Variants in MYRIP observed in about 807,000 individuals in gnomAD.
MYRIP encodes the protein myosin VIIA and Rab interacting protein, also known as rab effector MyRIP.
MYRIP carries 49 observed loss-of-function variants against 98.0 expected under a neutral mutation model. The ratio of observed to expected loss-of-function variants is 0.50; its 90% CI spans 0.40 to 0.63. MYRIP has a LOEUF of 0.63. Ranked by LOEUF, MYRIP falls within the 30% of genes least tolerant of loss-of-function variation. The probability of loss-of-function intolerance (pLI) is 0.00; values close to 1 mark genes in which losing one functional copy is unlikely to be tolerated. For missense variants in MYRIP, 1,004 were observed against 1,058.2 expected (o/e 0.95, Z 0.71); for synonymous variants, 404 against 409.5 (o/e 0.99, Z 0.16).
intron 11 of MYRIP, among the ~76,000 whole-genome samples, chr3:40,227,658 G>A (rs1026587239): frequency 1.5e-4 from 23 of 152,264 alleles, no homozygotes; most frequent in African/African-American, 5.3e-4. Flanking sequence ...TTTGAAATAC[G>A]AAATAGTTAA....
chr3:40,234,084 G>A, intron 12 of MYRIP, 31 bp downstream of exon 12: 1 of 1,553,700 alleles, frequency 6.4e-7, no homozygotes, highest in South Asian at 1.2e-5. Flanking sequence ...CCTGTCTAGG[G>A]TGAATGTATG....
intron 11 of MYRIP, among the ~76,000 whole-genome samples, chr3:40,217,367 T>C (rs902701634): frequency 7.2e-5 from 11 of 152,180 alleles, no homozygotes; most frequent in African/African-American, 2.4e-4. Flanking sequence ...TGAATTAAAG[T>C]AATAATTTAT....
chr3:39,868,269 C>G (rs1373199674), intron 1 of MYRIP, among the ~76,000 whole-genome samples: 3 of 152,086 alleles, frequency 2.0e-5, no homozygotes, highest in African/African-American at 7.2e-5. Flanking sequence ...GTGCTAGGAG[C>G]CTTCTTGGAT....
chr3:39,985,882 C>G (rs546443536), intron 2 of MYRIP, among the ~76,000 whole-genome samples: 164 of 151,478 alleles, frequency 1.1e-3, no homozygotes, highest in African/African-American at 4.0e-3. Flanking sequence ...CATTACCATT[C>G]AGGACATAGG....
chr3:40,034,813 G>T (rs1346166307), intron 2 of MYRIP, among the ~76,000 whole-genome samples: 1 of 151,818 alleles, frequency 6.6e-6, no homozygotes. Context: ...GCAAAGACTT[G>T]GAACCAACCC....
chr3:40,120,413 C>G (rs1287661949), intron 3 of MYRIP, among the ~76,000 whole-genome samples: 1 of 152,078 alleles, frequency 6.6e-6, no homozygotes. Context: ...GGAAATTGTA[C>G]ATAATTTTGA....
chr3:40,008,140 T>C (rs1312050063), intron 2 of MYRIP, among the ~76,000 whole-genome samples: 2 of 152,246 alleles, frequency 1.3e-5, no homozygotes, highest in Non-Finnish European at 2.9e-5. Flanking sequence ...TCATGCTTCA[T>C]AGCACTTGAC....
At chr3:39,835,501 CTG>C (rs1269922770) in intron 1 of MYRIP, among the ~76,000 whole-genome samples, 1 of 151,956 alleles carries the variant, frequency 6.6e-6, no homozygotes, top group Non-Finnish European at 1.5e-5. Context: ...AAATTAAAAT[CTG>C]TTTTGAATAA....
rs1491411474 is a variant in MYRIP, at chr3:40,084,771, AAT to A, written c.332+40507_332+40508del. On this transcript the variant is annotated intron_variant, in intron 3 of 16. Coordinates refer to ENST00000302541, the MANE Select transcript of MYRIP (RefSeq NM_015460.4). ...ATCTATGTGTTACATGTCGATAGAT[AAT>A]ATATATGTGTTACATGTCGATAGAT... Among the ~76,000 whole-genome samples, 7 of 48,468 alleles carry A rather than the reference AAT, an allele frequency of 1.4e-4. 2 individuals carry two copies. Among genetic ancestry groups the A allele is most frequent in the African/African-American group, 3.9e-4 (7 of 17,998 alleles). 31.8% of individuals were successfully genotyped at this position (48,468 alleles called of 152,430 possible).
chr3:40,245,670 A>AG (rs1953173472), intron 13 of MYRIP, among the ~76,000 whole-genome samples: 1 of 138,178 alleles, frequency 7.2e-6, no homozygotes, highest in Non-Finnish European at 1.6e-5. Context: ...AAAAAAAAAA[A>AG]GGGCTCCATG....
chr3:39,975,778 G>T (rs1945734274), intron 2 of MYRIP, among the ~76,000 whole-genome samples: 1 of 152,174 alleles, frequency 6.6e-6, no homozygotes, highest in Admixed American at 6.5e-5. Flanking sequence ...TGACAAACCT[G>T]AGAAAAACAA....
intron 2 of MYRIP, among the ~76,000 whole-genome samples, chr3:39,990,998 G>A (rs935326134): frequency 9.2e-5 from 14 of 152,098 alleles, no homozygotes; most frequent in South Asian, 2.1e-4. Flanking sequence ...GGGGCCTGTC[G>A]GGGAGTGTGG....
At chr3:40,148,973 T>C (rs1388109133) in intron 3 of MYRIP, among the ~76,000 whole-genome samples, 2 of 152,184 alleles carry the variant, frequency 1.3e-5, no homozygotes, top group African/African-American at 2.4e-5. Flanking sequence ...AGGCAGGCAA[T>C]TGACAGGCTT....
intron 1 of MYRIP, among the ~76,000 whole-genome samples, chr3:39,816,933 C>T (rs1240877245): frequency 6.6e-6 from 1 of 152,198 alleles, no homozygotes; most frequent in Non-Finnish European, 1.5e-5. Context: ...TAACAGCCTT[C>T]ACATCATCAC....
At chr3:39,951,865 G>A (rs957216418) in intron 2 of MYRIP, among the ~76,000 whole-genome samples, 3 of 152,074 alleles carry the variant, frequency 2.0e-5, no homozygotes, top group African/African-American at 7.2e-5. Context: ...TCACTTTTCA[G>A]TTGCTATGAT....
At position 40,244,549 on chromosome 3, in the gene MYRIP, C is replaced by A; in HGVS notation, c.2204C>A (p.Ala735Glu). ...AGTGGCACTGATGAGACCCATCTGG[C>A]GGATCTGGAGGACCAGGTGGCCACG... ...IHSGTDETHL[A>E]DLEDQVATAA... Residue 735 changes from alanine to glutamate, a missense_variant, in exon 13 of 17, where the codon GCG becomes GAG. Around this residue, in one of 3 missense-constraint regions of MYRIP, gnomAD observed 880 missense variants for 907.7 expected, o/e 0.97. Coordinates refer to ENST00000302541, the MANE Select transcript of MYRIP (RefSeq NM_015460.4). The A allele has an allele frequency of 1.9e-6, 3 of 1,614,006 alleles. No homozygotes were observed. The highest frequency in any genetic ancestry group is 2.2e-5 in the South Asian group (2 of 91,050).
chr3:39,980,511 C>T (rs1945864769), intron 2 of MYRIP, among the ~76,000 whole-genome samples: 1 of 152,214 alleles, frequency 6.6e-6, no homozygotes, highest in South Asian at 2.1e-4. Flanking sequence ...ATACAATGCT[C>T]TGCTTTCTTC....
Position 40,209,979 on chromosome 3 carries a change from G to T in MYRIP, c.1791G>T (p.Lys597Asn). Residue 597 changes from lysine to asparagine, a missense_variant, in exon 11 of 17, where the codon AAG (lysine) becomes AAT (asparagine). Transcript: ENST00000302541. ...LYELAMKMSE[K>N]ETSSGEDQES... Reference sequence around the variant, plus strand: ...AGTTAGCAATGAAAATGAGTGAAAAGGAGACTTCTTCAGGGGAGGATCAGG... The same window carrying T: ...AGTTAGCAATGAAAATGAGTGAAAATGAGACTTCTTCAGGGGAGGATCAGG... 4 of 1,614,098 alleles carry T rather than the reference G, an allele frequency of 2.5e-6. No individual in the cohort carries two copies. Among genetic ancestry groups the T allele is most frequent in the Non-Finnish European group, 3.4e-6 (4 of 1,179,962 alleles).
intron 10 of MYRIP, among the ~76,000 whole-genome samples, chr3:40,206,118 C>G (rs4426621): frequency 0.46 from 69,312 of 151,886 alleles, 16,755 homozygotes; most frequent in Non-Finnish European, 0.55. Flanking sequence ...AGAGGCCCAT[C>G]CATGGACTCC....
Sources: allele counts gnomAD v4.1 joint callset (sites outside exome capture counted in the v4.1 genomes callset), GRCh38; gene constraint gnomAD v4.1.1; regional missense constraint gnomAD v4.1.1; transcripts MANE v1.5; gene names NCBI Gene and HGNC (gene_info 2026-07-23, HGNC 2026-07-21).